Variants in PCDH15 observed in about 807,000 individuals in gnomAD.
The protein encoded by PCDH15 is protocadherin related 15, also known as protocadherin-15.
In PCDH15, 129 loss-of-function variants were observed where a neutral mutation model predicts 178.5. The ratio of observed to expected loss-of-function variants is 0.72; its 90% confidence interval spans 0.63 to 0.84. The LOEUF (loss-of-function observed/expected upper bound fraction) is 0.84, where lower values mean the gene tolerates loss of function less well. Among genes scored for constraint, PCDH15 ranks in the 40% least tolerant of loss-of-function variants. PCDH15 has a pLI of 0.00. For missense variants in PCDH15, 2,230 were observed against 2,099.9 expected (o/e 1.06, Z -1.21); for synonymous variants, 800 against 732.0 (o/e 1.09, Z -1.50).
intron 1 of PCDH15, among the ~76,000 whole-genome samples, chr10:54,726,819 G>C (rs1318676130): frequency 6.6e-6 from 1 of 150,644 alleles, no homozygotes; most frequent in Non-Finnish European, 1.5e-5. Flanking sequence ...CTCTAAGACT[G>C]GTTCTTCAGG....
chr10:55,416,843 A>G (rs1267275994), intron 2 of PCDH15, among the ~76,000 whole-genome samples: 1 of 151,806 alleles, frequency 6.6e-6, no homozygotes, highest in Non-Finnish European at 1.5e-5. Context: ...CTACAGAACA[A>G]ACAAAATTCC....
intron 1 of PCDH15, among the ~76,000 whole-genome samples, chr10:55,287,948 C>T (rs1236331132): frequency 6.6e-6 from 1 of 151,636 alleles, no homozygotes; most frequent in Non-Finnish European, 1.5e-5. Flanking sequence ...TAGAACAAGG[C>T]TGAGTTCACT....
chr10:53,992,221 C>G (rs11003972), intron 21 of PCDH15, among the ~76,000 whole-genome samples: 50,058 of 151,902 alleles, frequency 0.33, 10,001 homozygotes, highest in Middle Eastern at 0.53. Flanking sequence ...CTGTTGAAGC[C>G]AGCAAGACCA....
chr10:54,607,743 C>T, intron 2 of PCDH15: 1 of 329,936 alleles, frequency 3.0e-6, no homozygotes, highest in Non-Finnish European at 5.9e-6. Flanking sequence ...TTAGATTGCT[C>T]AATAAATCAA....
chr10:54,872,848 A>ATC (rs1954063759), intron 3 of PCDH15, among the ~76,000 whole-genome samples: 2 of 152,114 alleles, frequency 1.3e-5, no homozygotes, highest in Non-Finnish European at 2.9e-5. Context: ...AATCTTTGAC[A>ATC]TCTCATTTCA....
At chr10:53,913,286 T>G (rs2083257616) in intron 25 of PCDH15, among the ~76,000 whole-genome samples, 1 of 152,056 alleles carries the variant, frequency 6.6e-6, no homozygotes, top group African/African-American at 2.4e-5. Flanking sequence ...ATACAAAAAT[T>G]AATTCAAGAT....
chr10:54,526,231 G>C (rs1352455694), intron 3 of PCDH15, among the ~76,000 whole-genome samples: 1 of 152,158 alleles, frequency 6.6e-6, no homozygotes, highest in East Asian at 1.9e-4. Context: ...TAATTACCTA[G>C]TTGGCAAAAT....
intron 5 of PCDH15, among the ~76,000 whole-genome samples, chr10:54,362,500 A>C (rs1295135214): frequency 6.6e-6 from 1 of 152,066 alleles, no homozygotes; most frequent in African/African-American, 2.4e-5. Context: ...ACCTTCCTAA[A>C]TTGTGAATGG....
chr10:54,207,942 G>C (rs965543545), intron 10 of PCDH15, among the ~76,000 whole-genome samples: 1 of 151,942 alleles, frequency 6.6e-6, no homozygotes, highest in Non-Finnish European at 1.5e-5. Context: ...TATATAGAGA[G>C]TCTCGTGGAA....
chr10:54,438,004 T>C (rs1047333492), intron 3 of PCDH15, among the ~76,000 whole-genome samples: 2 of 152,170 alleles, frequency 1.3e-5, no homozygotes, highest in African/African-American at 4.8e-5. Context: ...TTCAATAAAA[T>C]TGAAAGACAA....
At chr10:55,271,507 A>G (rs1842443462) in intron 1 of PCDH15, among the ~76,000 whole-genome samples, 1 of 152,130 alleles carries the variant, frequency 6.6e-6, no homozygotes, top group African/African-American at 2.4e-5. Flanking sequence ...GTGCTTTACA[A>G]AATTTGCTAT....
chr10:54,144,342 T>C lies in PCDH15; in HGVS notation c.1784+8758A>G, dbSNP rs186569875. Among the ~76,000 whole-genome samples the C allele has an allele frequency of 1.1e-3, 175 of 152,252 alleles. 1 individual carries two copies. The highest frequency in any genetic ancestry group is 4.1e-3 in the African/African-American group (169 of 41,552). On this transcript the variant is annotated intron_variant, in intron 14 of 37. Coordinates refer to ENST00000644397, the MANE Select transcript of PCDH15 (RefSeq NM_001384140.1). ...ACATAGAAATTGACCCTTCTGGTCT[T>C]AAAGCTTGAAACTTTTGTGAATTGT... is the stretch of plus-strand genomic sequence containing the variant.
chr10:53,901,577 T>A (rs2082337036), intron 26 of PCDH15, among the ~76,000 whole-genome samples: 1 of 152,162 alleles, frequency 6.6e-6, no homozygotes, highest in African/African-American at 2.4e-5. Flanking sequence ...ATAATCTTTT[T>A]ATATTGGATG....
intron 2 of PCDH15, among the ~76,000 whole-genome samples, chr10:55,453,923 T>G (rs2132084159): frequency 6.6e-6 from 1 of 152,260 alleles, no homozygotes; most frequent in South Asian, 2.1e-4. Flanking sequence ...ATATTTGTCA[T>G]TTTCACCCCT....
chr10:54,448,866 G>A (rs1214196641), intron 3 of PCDH15, among the ~76,000 whole-genome samples: 2 of 151,762 alleles, frequency 1.3e-5, no homozygotes, highest in Non-Finnish European at 2.9e-5. Flanking sequence ...TGGATGCTTA[G>A]TCTTTCGGGC....
intron 2 of PCDH15, among the ~76,000 whole-genome samples, chr10:55,501,100 G>C (rs1485734276): frequency 6.6e-6 from 1 of 151,650 alleles, no homozygotes; most frequent in Non-Finnish European, 1.5e-5. Context: ...TATAACTTCT[G>C]TCCTTTTAAG....
At chr10:54,087,794 T>C (rs72797012) in intron 16 of PCDH15, among the ~76,000 whole-genome samples, 29,819 of 152,164 alleles carry the variant, frequency 0.2, 3,182 homozygotes, top group Non-Finnish European at 0.25. Context: ...ATGTAGGAGA[T>C]AGGACCTGCT....
chr10:55,114,936 T>A (rs1341152996), intron 2 of PCDH15, among the ~76,000 whole-genome samples: 1 of 152,214 alleles, frequency 6.6e-6, no homozygotes, highest in Non-Finnish European at 1.5e-5. Flanking sequence ...ATTCACATTT[T>A]AAATACACAA....
chr10:54,232,902 A>G (rs2054217369), intron 9 of PCDH15, among the ~76,000 whole-genome samples: 1 of 100,474 alleles, frequency 1.0e-5, no homozygotes, highest in African/African-American at 4.1e-5. Flanking sequence ...TATTATTTCT[A>G]TTGTGTTGTT....
Sources: allele counts gnomAD v4.1 joint callset (sites outside exome capture counted in the v4.1 genomes callset), GRCh38; gene constraint gnomAD v4.1.1; transcripts MANE v1.5; gene names NCBI Gene and HGNC (gene_info 2026-07-23, HGNC 2026-07-21).